Variants in SBNO1 observed in about 807,000 individuals in gnomAD.
The protein encoded by SBNO1 is protein strawberry notch homolog 1.
Under a neutral mutation model 173.6 loss-of-function variants are expected in SBNO1, and 23 were observed. The observed-to-expected ratio is 0.13, with a 90% CI of 0.10 to 0.19. The LOEUF (loss-of-function observed/expected upper bound fraction) is 0.19. SBNO1 is among the 10% of genes least tolerant of loss of function. The probability of loss-of-function intolerance (pLI) is 1.00; values close to 1 mark genes in which losing one functional copy is unlikely to be tolerated. For synonymous variants in SBNO1, 632 were observed against 571.5 expected, an observed-to-expected ratio of 1.11 and a Z score of -1.51; for missense variants, 1,238 against 1,671.2, an observed-to-expected ratio of 0.74 and a Z score of 4.52.
intron 31 of SBNO1, among the ~76,000 whole-genome samples, chr12:123,296,563 T>TTG (rs1555243384): frequency 2.6e-5 from 4 of 151,422 alleles, no homozygotes; most frequent in South Asian, 2.1e-4. Context: ...GTGTTTTTTT[T>TTG]TTTGTTTTTT....
chr12:123,332,623 G>A lies in SBNO1; in HGVS notation c.910-1248C>T, dbSNP rs540228488. ...ACTCTGTCGTCCAGGCTGGAGTGCA[G>A]TGGCACAATCTCAGCTCACTGCAAC... On this transcript the variant is annotated intron_variant, in intron 7 of 31. Transcript: ENST00000602398. 4.0e-5 allele frequency among the ~76,000 whole-genome samples: 6 copies of A among 151,792 alleles called. No homozygotes were observed. In the East Asian group the frequency reaches 1.2e-3, roughly 29 times the overall value.
chr12:123,301,661 A>G (rs556344599), intron 30 of SBNO1, among the ~76,000 whole-genome samples: 31 of 152,168 alleles, frequency 2.0e-4, no homozygotes, highest in Non-Finnish European at 4.0e-4. Context: ...ACTCAACAAC[A>G]AAAGTTTGCA....
intron 19 of SBNO1, 142 bp from the exon 20 acceptor site, chr12:123,320,173 A>G: frequency 9.9e-7 from 1 of 1,006,126 alleles, no homozygotes; most frequent in Non-Finnish European, 1.4e-6. Flanking sequence ...ACACTGCAAC[A>G]GAGTCCCTGG....
At chr12:123,354,568 AT>A (rs1187928823) in intron 1 of SBNO1, among the ~76,000 whole-genome samples, 2 of 152,284 alleles carry the variant, frequency 1.3e-5, no homozygotes, top group African/African-American at 4.8e-5. Context: ...ATGTAATTAT[AT>A]TTCTATTCAG....
At chr12:123,298,832 G>A (rs1380636520) in intron 30 of SBNO1, among the ~76,000 whole-genome samples, 1 of 152,166 alleles carries the variant, frequency 6.6e-6, no homozygotes, top group East Asian at 1.9e-4. Context: ...GCTCATGCCT[G>A]TAATCACAGC....
intron 24 of SBNO1, among the ~76,000 whole-genome samples, chr12:123,311,748 A>ATATATATATT (rs1255479099): frequency 1.6e-4 from 22 of 134,364 alleles, no homozygotes; most frequent in African/African-American, 5.2e-4. Context: ...ATATATATAT[A>ATATATATATT]TTTTTGCGAC....
chr12:123,323,548 G>T, intron 16 of SBNO1, 132 bp downstream of exon 16: 1 of 485,924 alleles, frequency 2.1e-6, no homozygotes, highest in Non-Finnish European at 3.4e-6. Flanking sequence ...TAGAGATGGG[G>T]TTTCACCGTG....
At chr12:123,363,834 A>T in intron 1 of SBNO1, 1 of 983,896 alleles carries the variant, frequency 1.0e-6, no homozygotes, top group Non-Finnish European at 1.2e-6. Context: ...AGCACAAAGC[A>T]GGGGTGGGAA....
chr12:123,301,963 C>T (rs1184575437), intron 30 of SBNO1, among the ~76,000 whole-genome samples: 1 of 149,894 alleles, frequency 6.7e-6, no homozygotes, highest in Non-Finnish European at 1.5e-5. Flanking sequence ...TTTTAAGAGA[C>T]AGTTTTTGCT....
chr12:123,345,569 T>C lies in SBNO1; in HGVS notation c.239A>G (p.Gln80Arg). Residue 80 changes from glutamine (Q) to arginine (R), a missense_variant and splice_region_variant, in exon 4 of 32, where the codon CAG (glutamine) becomes CGG (arginine). This residue lies in a region of SBNO1 where 287 missense variants were observed against 274.1 expected (regional missense o/e 1.05). Coordinates refer to ENST00000602398, the MANE Select transcript of SBNO1 (RefSeq NM_001167856.3). ...VPTPALLNVR[Q>R]QPPSTTTFVL... ...AAATGTTGTAGTAGATGGAGGCTGC[T>C]GCTAGATAGAAAACAAAAAACACAC... 1 of 1,610,552 alleles carries C rather than the reference T, an allele frequency of 6.2e-7. No homozygotes were observed. The highest frequency in any genetic ancestry group is 8.5e-7 in the Non-Finnish European group (1 of 1,177,404).
intron 1 of SBNO1, among the ~76,000 whole-genome samples, chr12:123,361,012 G>A (rs1368077511): frequency 2.0e-5 from 3 of 152,092 alleles, no homozygotes; most frequent in East Asian, 3.9e-4. Context: ...TTGGAAGGCC[G>A]AGGCAGGCGG....
At chr12:123,322,643 C>T (rs1032242330) in intron 16 of SBNO1, among the ~76,000 whole-genome samples, 1 of 151,934 alleles carries the variant, frequency 6.6e-6, no homozygotes, top group Non-Finnish European at 1.5e-5. Flanking sequence ...AGATGGCTCA[C>T]ACCTGTAATC....
intron 30 of SBNO1, among the ~76,000 whole-genome samples, chr12:123,300,023 CGA>C: frequency 6.6e-6 from 1 of 151,898 alleles, no homozygotes; most frequent in South Asian, 2.1e-4. Context: ...GGGAGGGGAG[CGA>C]GAGGCTACAT....
At chr12:123,320,944 A>AT in intron 17 of SBNO1, 78 bp from the exon 18 acceptor site, 1 of 1,217,698 alleles carries the variant, frequency 8.2e-7, no homozygotes, top group Non-Finnish European at 1.1e-6. Flanking sequence ...AACCTTTGAA[A>AT]TTTTATTTTT....
intron 16 of SBNO1, among the ~76,000 whole-genome samples, chr12:123,323,083 T>C (rs187350298): frequency 9.9e-5 from 15 of 152,248 alleles, no homozygotes; most frequent in Admixed American, 4.6e-4. Context: ...GTCTATAAAA[T>C]TGGAAAAATA....
At chr12:123,351,106 A>G (rs2139076774) in intron 1 of SBNO1, among the ~76,000 whole-genome samples, 1 of 152,200 alleles carries the variant, frequency 6.6e-6, no homozygotes, top group South Asian at 2.1e-4. Context: ...TGGGTGACAG[A>G]GCGAGACTCC....
chr12:123,311,346 T>C (rs1374492972), intron 24 of SBNO1, among the ~76,000 whole-genome samples: 2 of 152,196 alleles, frequency 1.3e-5, no homozygotes, highest in Non-Finnish European at 2.9e-5. Flanking sequence ...AAGGGGACTG[T>C]ATTAACTCTC....
At position 123,295,984 on chromosome 12, in the gene SBNO1, T is replaced by G. The variant is rs746968687; in HGVS notation, c.4106A>C (p.Gln1369Pro). The change falls in exon 32 of 32, where the codon CAA becomes CCA. Residue 1369 changes from glutamine to proline, a missense_variant. By Grantham distance (76) the Gln-to-Pro change is moderately conservative. Around this residue, in one of 14 missense-constraint regions of SBNO1, gnomAD observed 351 missense variants for 420.3 expected, o/e 0.84. Coordinates refer to ENST00000602398, the MANE Select transcript of SBNO1 (RefSeq NM_001167856.3). The part of the protein sequence containing the change: ...VNLLSTSDQS[Q>P]QLAVQQKQLW... ...CTGTTTCTGTTGGACCGCAAGCTGT[T>G]GAGACTGGTCTGAAGTTGATAGGAG... 1 of 1,614,016 alleles carries G rather than the reference T, an allele frequency of 6.2e-7. No homozygotes were observed. The highest frequency in any genetic ancestry group is 8.5e-7 in the Non-Finnish European group (1 of 1,179,870).
chr12:123,350,297 G>T lies in SBNO1; in HGVS notation c.132+13C>A, dbSNP rs748465361. On this transcript the variant is annotated intron_variant, in intron 2 of 31. Transcript: ENST00000602398. ...GAAATCACTAAGAAAGAGAGGCTTTGGAAAACTCTTACCTGCTGAACTGAC... is the reference window on the plus strand; with the variant it reads ...GAAATCACTAAGAAAGAGAGGCTTTTGAAAACTCTTACCTGCTGAACTGAC... 6.2e-7 allele frequency: 1 copy of T among 1,612,116 alleles called. No homozygotes were observed. Among genetic ancestry groups the T allele is most frequent in the Admixed American group, 1.7e-5 (1 of 59,228 alleles).
Sources: gnomAD v4.1 joint callset for allele counts (sites outside exome capture counted in the v4.1 genomes callset) on GRCh38, gnomAD v4.1.1 for gene constraint, gnomAD v4.1.1 regional missense constraint, MANE v1.5 for transcripts, NCBI Gene and HGNC (gene_info 2026-07-23, HGNC 2026-07-21) for gene names.